The following UPRT variants were observed in gnomAD, a reference collection of about 807,000 sequenced individuals.
The protein encoded by UPRT is RP11-311P8.3.
Under a neutral mutation model 22.6 loss-of-function variants are expected in UPRT, and 5 were observed. That is an observed-to-expected ratio of 0.22 (90% CI 0.12 to 0.47). The LOEUF is 0.47. Ranked by LOEUF, UPRT falls within the 20% of genes least tolerant of loss-of-function variation. UPRT has a pLI of 0.99. For synonymous variants in UPRT, 77 were observed against 87.7 expected (o/e 0.88, Z 0.68); for missense variants, 181 against 239.9 (o/e 0.75, Z 1.62).
chrX:75,275,534 T>C (rs769880818), intron 1 of UPRT, among the ~76,000 whole-genome samples: 1 of 111,300 alleles, frequency 9.0e-6, no homozygotes, highest in Admixed American at 9.6e-5. Flanking sequence ...AGAAACCTTG[T>C]CTTACACTAT....
chrX:75,278,524 T>C (rs189906097), intron 1 of UPRT, among the ~76,000 whole-genome samples: 68 of 112,151 alleles, frequency 6.1e-4, no homozygotes, highest in African/African-American at 2.1e-3. Context: ...CCTTCTCTTC[T>C]GCCTCCTTTA....
At chrX:75,253,431 G>A (rs2082538853) in intron 4 of UPRT, among the ~76,000 whole-genome samples, 1 of 112,454 alleles carries the variant, frequency 8.9e-6, no homozygotes, top group Admixed American at 9.4e-5. Flanking sequence ...CAAGGTTGTG[G>A]AAGAAATTGA....
intron 4 of UPRT, among the ~76,000 whole-genome samples, chrX:75,237,946 A>T (rs2082474619): frequency 9.0e-6 from 1 of 111,345 alleles, no homozygotes; most frequent in Non-Finnish European, 1.9e-5. Flanking sequence ...GTTAAAGTAT[A>T]ACAATAATAA....
chrX:75,246,659 A>G (rs1229226247), intron 4 of UPRT, among the ~76,000 whole-genome samples: 1 of 111,582 alleles, frequency 9.0e-6, no homozygotes, highest in Non-Finnish European at 1.9e-5. Flanking sequence ...TTCTAGTTCT[A>G]GATCCTTGAA....
chrX:75,156,848 T>TG (rs761560676), intron 1 of UPRT: 1 of 289,938 alleles, frequency 3.4e-6, no homozygotes, highest in East Asian at 1.0e-4. Context: ...TGTTCTCTGT[T>TG]GCGCAAACCT....
At chrX:75,267,037 T>C (rs2082591422) in intron 4 of UPRT, among the ~76,000 whole-genome samples, 1 of 111,434 alleles carries the variant, frequency 9.0e-6, no homozygotes, top group South Asian at 3.8e-4. Flanking sequence ...TGGCGATTCG[T>C]CAAGGATCTA....
At chrX:75,204,385 G>T (rs970459375) in intron 4 of UPRT, among the ~76,000 whole-genome samples, 1 of 112,510 alleles carries the variant, frequency 8.9e-6, no homozygotes, top group Non-Finnish European at 1.9e-5. Flanking sequence ...CAGAGTGTAT[G>T]TTCTTAACTC....
chrX:75,178,338 C>T (rs1281522891), intron 4 of UPRT, among the ~76,000 whole-genome samples: 1 of 111,805 alleles, frequency 8.9e-6, no homozygotes, highest in Non-Finnish European at 1.9e-5. Context: ...TCCGATGGTA[C>T]TCACTGCTTG....
chrX:75,246,034 A>G (rs2147656257), intron 4 of UPRT, among the ~76,000 whole-genome samples: 1 of 112,103 alleles, frequency 8.9e-6, no homozygotes, highest in East Asian at 2.8e-4. Context: ...CAACATTGGA[A>G]GAAAATTTAA....
At chrX:75,245,435 T>G (rs2082501766) in intron 4 of UPRT, among the ~76,000 whole-genome samples, 1 of 110,759 alleles carries the variant, frequency 9.0e-6, no homozygotes, top group Admixed American at 9.6e-5. Flanking sequence ...GAAATCCCAT[T>G]ACTGGGTATA....
intron 4 of UPRT, among the ~76,000 whole-genome samples, chrX:75,238,658 T>C (rs887511539): frequency 9.0e-6 from 1 of 111,343 alleles, no homozygotes. Context: ...AACTGCAGAA[T>C]ATACATTCTT....
chrX:75,286,777 A>G (rs1198017384), intron 1 of UPRT, among the ~76,000 whole-genome samples: 1 of 111,925 alleles, frequency 8.9e-6, no homozygotes. Context: ...TTCCCTTATT[A>G]GGGCAAAATA....
At chrX:75,187,998 C>G (rs1010651211) in intron 4 of UPRT, among the ~76,000 whole-genome samples, 1 of 112,002 alleles carries the variant, frequency 8.9e-6, no homozygotes, top group East Asian at 2.8e-4. Flanking sequence ...GTAATTTGAT[C>G]GTCTGAAGCC....
chrX:75,232,695 G>A (rs900869325), intron 4 of UPRT, among the ~76,000 whole-genome samples: 15 of 112,008 alleles, frequency 1.3e-4, no homozygotes, highest in Admixed American at 3.8e-4. Context: ...TCACACGGCC[G>A]GGTACTCCAA....
chrX:75,172,989 T>A (rs1180214436), intron 4 of UPRT, among the ~76,000 whole-genome samples: 3 of 111,686 alleles, frequency 2.7e-5, no homozygotes, highest in African/African-American at 9.8e-5. Context: ...TTCTCTCATC[T>A]GGCCTCACCT....
chrX:75,192,801 C>T (rs1010131059), intron 4 of UPRT, among the ~76,000 whole-genome samples: 1 of 111,901 alleles, frequency 8.9e-6, no homozygotes, highest in Non-Finnish European at 1.9e-5. Flanking sequence ...CTTCTGTTTT[C>T]TGTTTGCTTG....
chrX:75,249,773 C>T (rs1211504824), intron 4 of UPRT, among the ~76,000 whole-genome samples: 2 of 111,644 alleles, frequency 1.8e-5, no homozygotes, highest in Non-Finnish European at 3.8e-5. Context: ...CTCAGCACCA[C>T]ACCACACCTA....
At position 75,304,740 on chromosome X, in the gene UPRT, G is replaced by C. The variant is rs1298166644; in HGVS notation, c.*1229G>C. On this transcript the variant is annotated 3_prime_UTR_variant, in exon 7 of 7. Coordinates refer to ENST00000373383, the MANE Select transcript of UPRT (RefSeq NM_145052.4). ...AGCTGATGAAATCAGCAAAGATTGG[G>C]GGAAAGGAAGGAAGCCTGGTGTAGA... 6.3e-5 allele frequency: 7 copies of C among 111,985 alleles called. No homozygotes were observed. Among genetic ancestry groups the C allele is most frequent in the Non-Finnish European group, 1.3e-4 (7 of 53,181 alleles). 9.2% of individuals were successfully genotyped at this position (111,985 alleles called of 1,213,427 possible). A position where few individuals can be genotyped will look rare whatever the true frequency, so the allele number is the denominator to read the frequency against.
At chrX:75,169,039 C>A (rs780227855) in intron 4 of UPRT, among the ~76,000 whole-genome samples, 1 of 111,827 alleles carries the variant, frequency 8.9e-6, no homozygotes, top group African/African-American at 3.2e-5. Context: ...GTTTGGTTTT[C>A]CATTCCTGAG....
Sources: allele counts gnomAD v4.1 joint callset (sites outside exome capture counted in the v4.1 genomes callset), GRCh38; gene constraint gnomAD v4.1.1; transcripts MANE v1.5; gene names NCBI Gene and HGNC (gene_info 2026-07-23, HGNC 2026-07-21).